Variants in MND1 observed in about 807,000 individuals in gnomAD.
The protein encoded by MND1 is meiotic nuclear divisions 1, also known as meiotic nuclear division protein 1 homolog.
MND1 carries 28 observed loss-of-function variants against 35.1 expected under a neutral mutation model. That is an observed-to-expected ratio of 0.80 (90% CI 0.59 to 1.09). The LOEUF is 1.09. MND1 is among the 50% of genes least tolerant of loss of function. The pLI is 0.00. For missense variants in MND1, 213 were observed against 239.6 expected (o/e 0.89, Z 0.73); for synonymous variants, 69 against 70.5 (o/e 0.98, Z 0.11).
At chr4:153,398,606 C>G (rs1279125580) in intron 6 of MND1, among the ~76,000 whole-genome samples, 2 of 152,106 alleles carry the variant, frequency 1.3e-5, no homozygotes, top group African/African-American at 4.8e-5. Context: ...CAGCTGATTA[C>G]CCAGGGTGAT....
intron 4 of MND1, chr4:153,381,986 G>C (rs919109912): frequency 2.0e-5 from 3 of 151,486 alleles, no homozygotes; most frequent in African/African-American, 7.3e-5. Context: ...TAAGTGGCTG[G>C]GACTACAGGT....
rs1729791829 is a variant in MND1 at position 153,414,868 on chromosome 4, G to A, written c.*11G>A. ...GACTACATAGACTAAAATATTCCATGGTGGTGAAGGATGTACAAGCTTGTG... is the reference window on the plus strand; with the variant it reads ...GACTACATAGACTAAAATATTCCATAGTGGTGAAGGATGTACAAGCTTGTG... On this transcript the variant is annotated 3_prime_UTR_variant, in exon 8 of 8. Transcript: ENST00000240488. The A allele has an allele frequency of 1.7e-6, 2 of 1,174,910 alleles. No individual in the cohort carries two copies. Among genetic ancestry groups the A allele is most frequent in the African/African-American group, 1.6e-5 (1 of 64,350 alleles). The allele number at this position is 1,174,910 out of a possible 1,614,324, so 72.8% of individuals were successfully genotyped here.
chr4:153,378,029 T>C (rs757697636), intron 4 of MND1, among the ~76,000 whole-genome samples: 50 of 152,316 alleles, frequency 3.3e-4, no homozygotes, highest in Non-Finnish European at 2.1e-4. Context: ...GCAGGGTCTA[T>C]ATCTTAATCG....
At chr4:153,380,018 C>A (rs1004440995) in intron 4 of MND1, among the ~76,000 whole-genome samples, 1 of 151,926 alleles carries the variant, frequency 6.6e-6, no homozygotes, top group African/African-American at 2.4e-5. Flanking sequence ...ACGACCCTAT[C>A]CCCCCATACC....
chr4:153,409,989 A>G (rs192628058), intron 7 of MND1, among the ~76,000 whole-genome samples: 27 of 152,320 alleles, frequency 1.8e-4, no homozygotes, highest in Admixed American at 3.3e-4. Flanking sequence ...AGGCACAGGC[A>G]GCATGTGTGT....
At chr4:153,370,179 G>C (rs1018731370) in intron 4 of MND1, among the ~76,000 whole-genome samples, 1 of 151,984 alleles carries the variant, frequency 6.6e-6, no homozygotes, top group African/African-American at 2.4e-5. Context: ...CTACTCAGGA[G>C]GCTGAGACAG....
intron 4 of MND1, among the ~76,000 whole-genome samples, chr4:153,362,475 A>G (rs1358731537): frequency 1.3e-5 from 2 of 152,130 alleles, no homozygotes; most frequent in Non-Finnish European, 2.9e-5. Flanking sequence ...GCCCTGAGTA[A>G]AGGATCCCTG....
intron 4 of MND1, among the ~76,000 whole-genome samples, chr4:153,373,628 C>G (rs937064857): frequency 1.3e-5 from 2 of 152,140 alleles, no homozygotes; most frequent in African/African-American, 4.8e-5. Flanking sequence ...TCTTTCCCCA[C>G]TCTCACGTAC....
Position 153,383,694 on chromosome 4 carries a change from T to G in MND1, c.277-10568T>G, listed in dbSNP as rs1290403777. Among the ~76,000 whole-genome samples the G allele has an allele frequency of 7.2e-5, 11 of 152,290 alleles. No homozygotes were observed. The East Asian group carries it at 2.1e-3, about 29-fold the overall frequency. ...TCCTGAAGCACTCTCCATCATGTCC[T>G]TATTACAGAGGTAGCATGAAGGAGA... On this transcript the variant is annotated intron_variant, in intron 4 of 7. Transcript: ENST00000240488.
intron 1 of MND1, among the ~76,000 whole-genome samples, chr4:153,348,118 A>C (rs1773117450): frequency 6.6e-6 from 1 of 152,216 alleles, no homozygotes; most frequent in African/African-American, 2.4e-5. Flanking sequence ...TGAAGGCCTG[A>C]ATGAGGCAGT....
intron 4 of MND1, among the ~76,000 whole-genome samples, chr4:153,388,465 C>T (rs956915298): frequency 6.6e-6 from 1 of 152,140 alleles, no homozygotes. Context: ...CCAGCCTGAA[C>T]AACAGAGTAA....
At chr4:153,369,098 G>T (rs947496322) in intron 4 of MND1, among the ~76,000 whole-genome samples, 1 of 152,132 alleles carries the variant, frequency 6.6e-6, no homozygotes, top group Non-Finnish European at 1.5e-5. Flanking sequence ...TGTGGTTATT[G>T]GATTTAGTTC....
chr4:153,396,605 C>T (rs992700694), intron 5 of MND1, among the ~76,000 whole-genome samples: 2 of 152,094 alleles, frequency 1.3e-5, no homozygotes, highest in Non-Finnish European at 1.5e-5. Flanking sequence ...ATGACTTCTA[C>T]CTGCTAGTGA....
At chr4:153,355,989 C>T (rs1579897779) in intron 3 of MND1, among the ~76,000 whole-genome samples, 1 of 152,136 alleles carries the variant, frequency 6.6e-6, no homozygotes, top group South Asian at 2.1e-4. Flanking sequence ...TATCCCATTG[C>T]AATAAAAAAA....
chr4:153,409,114 G>A (rs748491201), intron 7 of MND1, 99 bp downstream of exon 7: 1 of 584,220 alleles, frequency 1.7e-6, no homozygotes. Context: ...GTTCAAGAAA[G>A]GACGTTAATG....
chr4:153,368,237 T>C (rs1207924626), intron 4 of MND1, among the ~76,000 whole-genome samples: 1 of 152,156 alleles, frequency 6.6e-6, no homozygotes, highest in Non-Finnish European at 1.5e-5. Context: ...TTAGCCAAAT[T>C]CTAAACATCT....
intron 4 of MND1, among the ~76,000 whole-genome samples, chr4:153,393,794 A>T (rs1729114889): frequency 6.6e-6 from 1 of 151,882 alleles, no homozygotes; most frequent in South Asian, 2.1e-4. Flanking sequence ...CGTTTTATCT[A>T]TCTGCATGGA....
At chr4:153,405,074 C>G (rs1729456987) in intron 6 of MND1, among the ~76,000 whole-genome samples, 1 of 152,072 alleles carries the variant, frequency 6.6e-6, no homozygotes, top group African/African-American at 2.4e-5. Flanking sequence ...CCAAATTGAT[C>G]TACAGATTCA....
Position 153,384,443 on chromosome 4 carries a change from ATTTTTTTTT to A in MND1, c.277-9798_277-9790del, listed in dbSNP as rs561004288. ...TGCCACCATGCCCAGCTAATGTTTAATTTTTTTTTTTTTTTTTTTTTTTTTTTTTGTCAG... is the reference window on the plus strand; with the variant it reads ...TGCCACCATGCCCAGCTAATGTTTAATTTTTTTTTTTTTTTTTTTTGTCAG... On this transcript the variant is annotated intron_variant, in intron 4 of 7. Transcript: ENST00000240488. Among the ~76,000 whole-genome samples the A allele has an allele frequency of 2.2e-3, 139 of 63,194 alleles. 1 individual carries two copies. Among genetic ancestry groups the A allele is most frequent in the African/African-American group, 6.4e-3 (109 of 16,924 alleles). The allele number at this position is 63,194 out of a possible 152,430, so 41.5% of individuals were successfully genotyped here. A position where few individuals can be genotyped will look rare whatever the true frequency, so the allele number is the denominator to read the frequency against.
Sources: allele counts gnomAD v4.1 joint callset (sites outside exome capture counted in the v4.1 genomes callset), GRCh38; gene constraint gnomAD v4.1.1; transcripts MANE v1.5; gene names NCBI Gene and HGNC (gene_info 2026-07-23, HGNC 2026-07-21).